Variants in FMN2 observed in about 807,000 individuals in gnomAD.
FMN2 encodes the protein formin-2.
Under a neutral mutation model 142.3 loss-of-function variants are expected in FMN2, and 51 were observed. The observed-to-expected ratio is 0.36, with a 90% CI of 0.29 to 0.45. The LOEUF is 0.45. Among genes scored for constraint, FMN2 ranks in the 20% least tolerant of loss-of-function variants. FMN2 has a pLI of 1.00. For synonymous variants in FMN2, 882 were observed against 869.8 expected, an observed-to-expected ratio of 1.01 and a Z score of -0.25; for missense variants, 1,936 against 2,122.8, an observed-to-expected ratio of 0.91 and a Z score of 1.73.
intron 8 of FMN2, among the ~76,000 whole-genome samples, chr1:240,312,286 A>G (rs1386422605): frequency 6.6e-6 from 1 of 152,168 alleles, no homozygotes; most frequent in African/African-American, 2.4e-5. Flanking sequence ...TTCAGGCAGG[A>G]GATTTCCACT....
intron 7 of FMN2, among the ~76,000 whole-genome samples, chr1:240,259,263 C>T (rs990939105): frequency 6.6e-6 from 1 of 152,094 alleles, no homozygotes; most frequent in African/African-American, 2.4e-5. Flanking sequence ...ATATTCAACT[C>T]GGGTTGAGTT....
At chr1:240,321,416 T>C (rs534769100) in intron 8 of FMN2, among the ~76,000 whole-genome samples, 2 of 152,346 alleles carry the variant, frequency 1.3e-5, no homozygotes, top group Non-Finnish European at 2.9e-5. Context: ...TTACAGATGG[T>C]ATTTTTAAAG....
chr1:240,421,805 A>G (rs1052569112), intron 15 of FMN2, among the ~76,000 whole-genome samples: 3 of 151,120 alleles, frequency 2.0e-5, no homozygotes, highest in Non-Finnish European at 1.5e-5. Flanking sequence ...TTTGATGACC[A>G]CTGACCAGGC....
rs143591471 is a variant in FMN2, at chr1:240,380,024, A to G, written c.4859-12487A>G. The stretch of plus-strand genomic sequence containing the variant: ...GGACCTAAGACAAGAGATAGACAGC[A>G]ATAGAGTAATTTGGGGACACTTCAA... On this transcript the variant is annotated intron_variant, in intron 14 of 17. Coordinates refer to ENST00000319653, the MANE Select transcript of FMN2 (RefSeq NM_020066.5). 2.6e-3 allele frequency among the ~76,000 whole-genome samples: 401 copies of G among 152,280 alleles called. 2 individuals are homozygous for G. The highest frequency in any genetic ancestry group is 9.1e-3 in the African/African-American group (380 of 41,568).
At chr1:240,335,130 G>A (rs1671515714) in intron 13 of FMN2, among the ~76,000 whole-genome samples, 2 of 152,150 alleles carry the variant, frequency 1.3e-5, no homozygotes, top group African/African-American at 4.8e-5. Flanking sequence ...TGAGCATAGG[G>A]ACATTATGTA....
chr1:240,228,981 T>TATA (rs1317385635), intron 6 of FMN2, among the ~76,000 whole-genome samples: 1 of 151,988 alleles, frequency 6.6e-6, no homozygotes, highest in Non-Finnish European at 1.5e-5. Flanking sequence ...GCTCTGGGAA[T>TATA]ATAATTAAAA....
chr1:240,211,380 T>C (rs1009544725), intron 6 of FMN2, 145 bp downstream of exon 6: 5 of 710,924 alleles, frequency 7.0e-6, no homozygotes, highest in Non-Finnish European at 1.1e-5. Context: ...CTTTAGAACA[T>C]GTGGTTAAGT....
At chr1:240,367,786 AAAAAAG>A (rs1672732019) in intron 14 of FMN2, among the ~76,000 whole-genome samples, 1 of 151,552 alleles carries the variant, frequency 6.6e-6, no homozygotes, top group African/African-American at 2.4e-5. Context: ...AAAAAAAAAA[AAAAAAG>A]AAATCCTTCC....
At chr1:240,126,777 G>T (rs986050293) in intron 2 of FMN2, among the ~76,000 whole-genome samples, 25 of 152,160 alleles carry the variant, frequency 1.6e-4, no homozygotes, top group African/African-American at 5.3e-4. Flanking sequence ...GTGAGCAAGA[G>T]AATGTGTTCT....
chr1:240,209,289 CA>C (rs1464925583), intron 5 of FMN2, among the ~76,000 whole-genome samples: 16 of 149,792 alleles, frequency 1.1e-4, no homozygotes, highest in Non-Finnish European at 2.2e-4. Flanking sequence ...CTCGCTCTGT[CA>C]CCCAGGCTGG....
At chr1:240,380,804 A>T (rs1673201140) in intron 14 of FMN2, among the ~76,000 whole-genome samples, 1 of 152,110 alleles carries the variant, frequency 6.6e-6, no homozygotes, top group African/African-American at 2.4e-5. Flanking sequence ...CAAAACAAAA[A>T]GTTACCTCTT....
rs943553101 is a variant in FMN2, at chr1:240,473,392, G to A, written c.5143-736G>A. Among the ~76,000 whole-genome samples the A allele has an allele frequency of 1.3e-5, 2 of 152,138 alleles. No individual in the cohort carries two copies. Among genetic ancestry groups the A allele is most frequent in the African/African-American group, 2.4e-5 (1 of 41,418 alleles). On this transcript the variant is annotated intron_variant, in intron 17 of 17. Transcript: ENST00000319653. This position sits in a 1 kb window ranked among gnomAD's most constrained non-coding sequence, Gnocchi z 4.3. ...CTTGTGATACTGAGGATGTTTTGTT[G>A]ACTGTTTTGAGGGATTATCACTTGG...
At chr1:240,234,541 C>T (rs1477532189) in intron 6 of FMN2, among the ~76,000 whole-genome samples, 1 of 152,122 alleles carries the variant, frequency 6.6e-6, no homozygotes, top group Non-Finnish European at 1.5e-5. Flanking sequence ...TCTTTTCCAC[C>T]ACAAAGAGAC....
intron 8 of FMN2, among the ~76,000 whole-genome samples, chr1:240,298,121 G>T (rs1243801840): frequency 2.0e-5 from 3 of 152,136 alleles, no homozygotes; most frequent in Non-Finnish European, 1.5e-5. Context: ...GCTGGCACTG[G>T]TTAAACTTAA....
At chr1:240,268,621 G>C (rs2102915697) in intron 7 of FMN2, among the ~76,000 whole-genome samples, 1 of 152,102 alleles carries the variant, frequency 6.6e-6, no homozygotes, top group African/African-American at 2.4e-5. Context: ...TCTAAGTAGA[G>C]ACATAGACAG....
intron 1 of FMN2, among the ~76,000 whole-genome samples, chr1:240,116,561 T>A (rs1662033546): frequency 6.7e-6 from 1 of 150,024 alleles, no homozygotes. Context: ...AAATCAACAG[T>A]GAAATTTTTC....
intron 6 of FMN2, among the ~76,000 whole-genome samples, chr1:240,232,249 CTT>C (rs77988184): frequency 4.0e-5 from 4 of 99,560 alleles, no homozygotes; most frequent in Non-Finnish European, 3.9e-5. Flanking sequence ...CCCAGCTAAT[CTT>C]TTTTTTTTTT....
intron 15 of FMN2, among the ~76,000 whole-genome samples, chr1:240,393,721 GA>G (rs1339619824): frequency 2.0e-5 from 3 of 152,204 alleles, no homozygotes; most frequent in African/African-American, 7.2e-5. Context: ...AAAAGTTCTT[GA>G]AGGAAATTAA....
chr1:240,384,785 T>C (rs1401394119), intron 14 of FMN2, among the ~76,000 whole-genome samples: 1 of 152,224 alleles, frequency 6.6e-6, no homozygotes, highest in Admixed American at 6.5e-5. Flanking sequence ...AGTTTTTTAA[T>C]TGCTAATTTC....
Sources: gnomAD v4.1 joint callset for allele counts (sites outside exome capture counted in the v4.1 genomes callset) on GRCh38, gnomAD v4.1.1 for gene constraint, Gnocchi (gnomAD v3.1) non-coding constraint, MANE v1.5 for transcripts, NCBI Gene and HGNC (gene_info 2026-07-23, HGNC 2026-07-21) for gene names.